The following SLC15A1 variants were observed in gnomAD, a reference collection of about 807,000 sequenced individuals.
The protein encoded by SLC15A1 is solute carrier family 15 member 1, also known as Caco-2 oligopeptide transporter.
In SLC15A1, 83 loss-of-function variants were observed where a neutral mutation model predicts 92.9. That is an observed-to-expected ratio of 0.89 (90% CI 0.75 to 1.07). The LOEUF (loss-of-function observed/expected upper bound fraction) is 1.07. SLC15A1 is among the 50% of genes least tolerant of loss of function. SLC15A1 has a pLI of 0.00. For missense variants in SLC15A1, 857 were observed against 880.1 expected (o/e 0.97, Z 0.33); for synonymous variants, 322 against 318.2 (o/e 1.01, Z -0.13).
intron 18 of SLC15A1, among the ~76,000 whole-genome samples, chr13:98,694,406 C>T (rs2088005643): frequency 6.6e-6 from 1 of 152,156 alleles, no homozygotes; most frequent in South Asian, 2.1e-4. Context: ...GAAAACTTTT[C>T]TCATCCCCTT....
chr13:98,727,212 T>C (rs1452004173), intron 1 of SLC15A1, among the ~76,000 whole-genome samples: 2 of 152,206 alleles, frequency 1.3e-5, no homozygotes, highest in South Asian at 4.2e-4. Flanking sequence ...ACAAGTGTTT[T>C]GGTGGGGATG....
chr13:98,723,492 T>A (rs2088275698), intron 5 of SLC15A1, among the ~76,000 whole-genome samples: 1 of 152,098 alleles, frequency 6.6e-6, no homozygotes, highest in Non-Finnish European at 1.5e-5. Context: ...CTGGAACAAA[T>A]ATTTATGAAA....
intron 1 of SLC15A1, among the ~76,000 whole-genome samples, chr13:98,749,654 C>T (rs2088525729): frequency 6.6e-6 from 1 of 152,108 alleles, no homozygotes; most frequent in African/African-American, 2.4e-5. Context: ...ACCTGACAGC[C>T]CTTGGGAAAA....
At chr13:98,715,848 GC>G (rs778275765) in intron 9 of SLC15A1, 29 bp downstream of exon 9, 16 of 1,584,510 alleles carry the variant, frequency 1.0e-5, no homozygotes, top group Non-Finnish European at 1.4e-5. Flanking sequence ...TGGTTAAATA[GC>G]CTTGAGAAAG....
intron 18 of SLC15A1, among the ~76,000 whole-genome samples, chr13:98,689,521 A>G (rs190650795): frequency 3.9e-5 from 6 of 152,142 alleles, no homozygotes; most frequent in African/African-American, 1.4e-4. Flanking sequence ...TCACAGTTCA[A>G]TGCAGCCTCG....
chr13:98,697,080 G>C (rs572292898), intron 18 of SLC15A1, among the ~76,000 whole-genome samples: 1 of 152,174 alleles, frequency 6.6e-6, no homozygotes, highest in South Asian at 2.1e-4. Context: ...TTTTGAGAGG[G>C]AGTCTTGCTC....
At chr13:98,743,264 A>G (rs1165919925) in intron 1 of SLC15A1, among the ~76,000 whole-genome samples, 1 of 152,238 alleles carries the variant, frequency 6.6e-6, no homozygotes, top group Non-Finnish European at 1.5e-5. Context: ...CAATAGTCAC[A>G]ACTTACTGAT....
intron 1 of SLC15A1, among the ~76,000 whole-genome samples, chr13:98,730,514 C>T (rs2088342025): frequency 6.6e-6 from 1 of 152,178 alleles, no homozygotes; most frequent in Admixed American, 6.5e-5. Context: ...ATGGAGTCAG[C>T]CCTGCGGCCG....
chr13:98,728,994 A>C (rs1227350623), intron 1 of SLC15A1, among the ~76,000 whole-genome samples: 1 of 147,066 alleles, frequency 6.8e-6, no homozygotes, highest in East Asian at 2.0e-4. Context: ...AAAAAAAAAA[A>C]AAAAAAAAAA....
chr13:98,737,826 G>C (rs181754324), intron 1 of SLC15A1, among the ~76,000 whole-genome samples: 1 of 152,312 alleles, frequency 6.6e-6, no homozygotes, highest in Non-Finnish European at 1.5e-5. Context: ...AGAATGTGGA[G>C]GGCTCAGAAG....
At chr13:98,746,254 T>C (rs184194565) in intron 1 of SLC15A1, among the ~76,000 whole-genome samples, 1 of 152,360 alleles carries the variant, frequency 6.6e-6, no homozygotes, top group Non-Finnish European at 1.5e-5. Flanking sequence ...ATGTACCACA[T>C]TTTCTTTAGT....
chr13:98,752,010 T>C (rs1317112465), intron 1 of SLC15A1, among the ~76,000 whole-genome samples: 1 of 152,196 alleles, frequency 6.6e-6, no homozygotes, highest in Non-Finnish European at 1.5e-5. Context: ...AGTTGCCTCC[T>C]AGCTGTTTTG....
At chr13:98,690,322 G>A (rs561442628) in intron 18 of SLC15A1, among the ~76,000 whole-genome samples, 14 of 152,258 alleles carry the variant, frequency 9.2e-5, no homozygotes, top group African/African-American at 3.1e-4. Flanking sequence ...CCTTCTACTT[G>A]GTGTCATTTG....
intron 16 of SLC15A1, 88 bp downstream of exon 16, chr13:98,706,046 T>C (rs1439471431): frequency 1.4e-6 from 2 of 1,460,304 alleles, no homozygotes; most frequent in South Asian, 1.3e-5. Context: ...TTGGCATTTA[T>C]ACAAGGACCA....
chr13:98,712,351 A>C, intron 10 of SLC15A1, 147 bp downstream of exon 10: 1 of 616,840 alleles, frequency 1.6e-6, no homozygotes, highest in Non-Finnish European at 2.8e-6. Context: ...AAAAAAATGC[A>C]CTCATGCATA....
chr13:98,685,397 G>A (rs2087921626), intron 22 of SLC15A1, among the ~76,000 whole-genome samples: 1 of 152,240 alleles, frequency 6.6e-6, no homozygotes, highest in Non-Finnish European at 1.5e-5. Context: ...AAACGGATGG[G>A]ATAACAGCTC....
chr13:98,690,029 ACT>A (rs1656512135), intron 18 of SLC15A1, among the ~76,000 whole-genome samples: 1 of 152,208 alleles, frequency 6.6e-6, no homozygotes, highest in East Asian at 1.9e-4. Flanking sequence ...CGACCCTGAA[ACT>A]CTCATACAAC....
chr13:98,726,476 T>C, intron 2 of SLC15A1, 27 bp from the exon 3 acceptor site: 4 of 1,600,468 alleles, frequency 2.5e-6, no homozygotes, highest in Non-Finnish European at 3.4e-6. Flanking sequence ...AAGCACAGGA[T>C]TGAAATACAC....
chr13:98,736,616 A>C (rs2088396299), intron 1 of SLC15A1, among the ~76,000 whole-genome samples: 2 of 152,222 alleles, frequency 1.3e-5, no homozygotes. Context: ...AATATCTAGA[A>C]TATACAAAGA....
Sources: gnomAD v4.1 joint callset for allele counts (sites outside exome capture counted in the v4.1 genomes callset) on GRCh38, gnomAD v4.1.1 for gene constraint, MANE v1.5 for transcripts, NCBI Gene and HGNC (gene_info 2026-07-23, HGNC 2026-07-21) for gene names.